The following PTPN3 variants were observed in gnomAD, a reference collection of about 807,000 sequenced individuals.
The protein encoded by PTPN3 is protein tyrosine phosphatase non-receptor type 3.
A neutral mutation model predicts 132.7 loss-of-function variants in PTPN3; 96 were observed. The ratio of observed to expected loss-of-function variants is 0.72; its 90% CI spans 0.61 to 0.86. PTPN3 has a LOEUF of 0.86. Among genes scored for constraint, PTPN3 ranks in the 40% least tolerant of loss-of-function variants. PTPN3 has a pLI of 0.00. For missense variants in PTPN3, 1,125 were observed against 1,159.6 expected (o/e 0.97, Z 0.43); for synonymous variants, 398 against 429.0 (o/e 0.93, Z 0.89).
chr9:109,405,226 A>C (rs546595425), intron 18 of PTPN3, among the ~76,000 whole-genome samples: 205 of 152,102 alleles, frequency 1.3e-3, no homozygotes, highest in Non-Finnish European at 1.8e-3. Context: ...CCACCCCCCC[A>C]CAACTCCCAA....
intron 1 of PTPN3, among the ~76,000 whole-genome samples, chr9:109,471,288 C>T (rs901909095): frequency 6.6e-6 from 1 of 152,194 alleles, no homozygotes; most frequent in African/African-American, 2.4e-5. Flanking sequence ...GAACTCCTGA[C>T]CTCAGGTGAT....
chr9:109,398,928 T>C lies in PTPN3; in HGVS notation c.1953+5520A>G, dbSNP rs80077835. On this transcript the variant is annotated intron_variant, in intron 19 of 25. Coordinates refer to ENST00000374541, the MANE Select transcript of PTPN3 (RefSeq NM_002829.4). ...CAAGAGCTTCCTGGAAGTGGTAATT[T>C]TGGGGTCAGTGTGAACCCCAATTCT... 4.1e-3 allele frequency among the ~76,000 whole-genome samples: 630 copies of C among 152,288 alleles called. 8 individuals are homozygous for C. The highest frequency in any genetic ancestry group is 0.015 in the African/African-American group (604 of 41,558).
intron 12 of PTPN3, among the ~76,000 whole-genome samples, chr9:109,424,556 C>G (rs1309111475): frequency 6.6e-6 from 1 of 152,258 alleles, no homozygotes; most frequent in African/African-American, 2.4e-5. Flanking sequence ...CCTTTCGCTC[C>G]TGGAACCCTG....
chr9:109,442,338 G>A (rs1252583699), intron 7 of PTPN3, among the ~76,000 whole-genome samples: 1 of 152,124 alleles, frequency 6.6e-6, no homozygotes, highest in Non-Finnish European at 1.5e-5. Flanking sequence ...GTGAACCACC[G>A]TGCCTGGCAC....
intron 1 of PTPN3, among the ~76,000 whole-genome samples, chr9:109,486,783 A>T (rs1015429120): frequency 2.0e-5 from 3 of 152,128 alleles, no homozygotes; most frequent in Non-Finnish European, 2.9e-5. Flanking sequence ...AACAGGTGGG[A>T]GGTAACTGAA....
At chr9:109,468,846 T>C (rs1047071515) in intron 1 of PTPN3, among the ~76,000 whole-genome samples, 1 of 152,240 alleles carries the variant, frequency 6.6e-6, no homozygotes, top group African/African-American at 2.4e-5. Flanking sequence ...AACGTTAAAC[T>C]TCTAATGCCA....
chr9:109,497,771 C>G (rs1847737689), intron 1 of PTPN3, among the ~76,000 whole-genome samples: 1 of 152,060 alleles, frequency 6.6e-6, no homozygotes, highest in Non-Finnish European at 1.5e-5. Context: ...GCGGATTCGC[C>G]CTGGGAGCCG....
chr9:109,505,837 C>T, the PTPN3 span, among the ~76,000 whole-genome samples: 2 of 151,794 alleles, frequency 1.3e-5, no homozygotes, highest in African/African-American at 4.8e-5. Flanking sequence ...GCAAGCTCTG[C>T]CTCCCGGGTT....
rs543297845 is a variant in PTPN3 at position 109,381,461 on chromosome 9, AC to A, written c.2664+190del. Among the ~76,000 whole-genome samples, 405 of 152,310 alleles carry A rather than the reference AC, an allele frequency of 2.7e-3. 3 individuals carry two copies. The highest frequency in any genetic ancestry group is 6.8e-3 in the Middle Eastern group (2 of 294). ...TGACAGACGGGCTGGCAGGAAATAA[AC>A]CACAGAGGCAGCAGAGCTCAGAGGT... On this transcript the variant is annotated intron_variant, in intron 25 of 25. Transcript: ENST00000374541.
chr9:109,420,679 G>A (rs779808400), intron 13 of PTPN3, 79 bp from the exon 14 acceptor site: 20 of 1,425,398 alleles, frequency 1.4e-5, no homozygotes, highest in South Asian at 6.8e-5. Flanking sequence ...AGTGAACCTC[G>A]TGTCCTGACC....
chr9:109,453,868 A>G (rs1588454717), intron 5 of PTPN3, among the ~76,000 whole-genome samples: 1 of 146,492 alleles, frequency 6.8e-6, no homozygotes, highest in African/African-American at 2.5e-5. Flanking sequence ...AAAAAAAATT[A>G]GCCAGGCATG....
At chr9:109,537,155 A>T in the PTPN3 span, among the ~76,000 whole-genome samples, 2 of 152,208 alleles carry the variant, frequency 1.3e-5, no homozygotes, top group Non-Finnish European at 2.9e-5. Flanking sequence ...AAGCATTAAC[A>T]AACACAAGTA....
chr9:109,383,314 C>A (rs1252978671), intron 23 of PTPN3, 109 bp downstream of exon 23: 10 of 1,583,520 alleles, frequency 6.3e-6, no homozygotes, highest in African/African-American at 1.3e-5. Context: ...TACTGACACG[C>A]TTGCCAGGTG....
At chr9:109,434,890 T>C (rs1253759689) in intron 9 of PTPN3, among the ~76,000 whole-genome samples, 4 of 152,152 alleles carry the variant, frequency 2.6e-5, no homozygotes, top group Admixed American at 6.5e-5. Flanking sequence ...GACAAACCCT[T>C]TGTGAACCAC....
chr9:109,413,426 AG>A (rs1842232219), intron 14 of PTPN3, among the ~76,000 whole-genome samples: 1 of 152,198 alleles, frequency 6.6e-6, no homozygotes, highest in African/African-American at 2.4e-5. Context: ...ACATCAAATG[AG>A]GAGATGCAAT....
chr9:109,388,187 TC>T (rs1839759072), intron 22 of PTPN3, among the ~76,000 whole-genome samples: 1 of 152,196 alleles, frequency 6.6e-6, no homozygotes, highest in Non-Finnish European at 1.5e-5. Flanking sequence ...GGACTCCTAA[TC>T]TGGAAGAACT....
intron 11 of PTPN3, among the ~76,000 whole-genome samples, chr9:109,427,470 A>ATC (rs1843362434): frequency 6.6e-6 from 1 of 152,216 alleles, no homozygotes; most frequent in Non-Finnish European, 1.5e-5. Context: ...CTCTGGGAAC[A>ATC]TCTCTCTCCT....
At chr9:109,380,473 C>G (rs1838971530) in intron 25 of PTPN3, among the ~76,000 whole-genome samples, 1 of 152,178 alleles carries the variant, frequency 6.6e-6, no homozygotes, top group Non-Finnish European at 1.5e-5. Flanking sequence ...CCAGGCTGGT[C>G]TTGAACTACT....
chr9:109,498,094 A>C lies in PTPN3; in HGVS notation c.-18+125T>G, dbSNP rs1847764078. ...GGATCCCGGTGCAGCCGCACCCGCC[A>C]GCCCGCCCGCGCGTCCGCCGCGCGC... On this transcript the variant is annotated intron_variant, in intron 1 of 25. Transcript: ENST00000374541. This position sits in a 1 kb window ranked among gnomAD's most constrained non-coding sequence, Gnocchi z 4.2. The C allele has an allele frequency of 7.0e-6, 1 of 142,566 alleles. No homozygotes were observed. The highest frequency in any genetic ancestry group is 1.5e-5 in the Non-Finnish European group (1 of 64,714). The allele number at this position is 142,566 out of a possible 1,614,324, so 8.8% of individuals were successfully genotyped here.
Sources: gnomAD v4.1 joint callset for allele counts (sites outside exome capture counted in the v4.1 genomes callset) on GRCh38, gnomAD v4.1.1 for gene constraint, Gnocchi (gnomAD v3.1) non-coding constraint, MANE v1.5 for transcripts, NCBI Gene and HGNC (gene_info 2026-07-23, HGNC 2026-07-21) for gene names.